ADAM12: variants seen among roughly 807,000 people sequenced by gnomAD.
ADAM12 encodes ADAM metallopeptidase domain 12, also known as disintegrin and metalloproteinase domain-containing protein 12.
Under a neutral mutation model 106.4 loss-of-function variants are expected in ADAM12, and 70 were observed. The ratio of observed to expected loss-of-function variants is 0.66; its 90% CI spans 0.54 to 0.80. The LOEUF (loss-of-function observed/expected upper bound fraction) is 0.80. Among genes scored for constraint, ADAM12 ranks in the 30% least tolerant of loss-of-function variants. The pLI, the probability that ADAM12 is intolerant of heterozygous loss-of-function variation, is 0.00. For synonymous variants in ADAM12, 420 were observed against 433.5 expected, an observed-to-expected ratio of 0.97 and a Z score of 0.39; for missense variants, 1,010 against 1,171.9, an observed-to-expected ratio of 0.86 and a Z score of 2.02.
At chr10:126,344,784 A>G (rs1221723896) in intron 1 of ADAM12, among the ~76,000 whole-genome samples, 1 of 152,136 alleles carries the variant, frequency 6.6e-6, no homozygotes, top group Non-Finnish European at 1.5e-5. Flanking sequence ...TCTTTGAAGC[A>G]ATTGTGAATG....
intron 5 of ADAM12, among the ~76,000 whole-genome samples, chr10:126,128,430 G>T (rs1956241317): frequency 6.6e-6 from 1 of 152,214 alleles, no homozygotes; most frequent in Admixed American, 6.5e-5. Flanking sequence ...AATAACATCT[G>T]CCCCATTCTC....
intron 1 of ADAM12, among the ~76,000 whole-genome samples, chr10:126,360,853 C>T (rs967729089): frequency 1.3e-5 from 2 of 152,204 alleles, no homozygotes; most frequent in African/African-American, 4.8e-5. Context: ...CTGATAAAGA[C>T]ATACCCAAGA....
chr10:126,184,061 A>T (rs1342202636), intron 3 of ADAM12, among the ~76,000 whole-genome samples: 2 of 152,238 alleles, frequency 1.3e-5, no homozygotes. Flanking sequence ...TGAGCCAAGG[A>T]ATCTGGACCT....
In ADAM12 at chr10:126,017,295, G is replaced by A; in HGVS notation, c.2705C>T (p.Thr902Ile). Residue 902 changes from threonine to isoleucine, a missense_variant, in exon 23 of 23, where the codon ACC (threonine) becomes ATC (isoleucine). Transcript: ENST00000448723. ...YPHQVPRSTH[T>I]AYIK Reference sequence around the variant, plus strand: ...GTCGGCTTCTCACTTAATATAGGCGGTGTGGGTGGATCTGGGCACTTGGTG... The same window carrying A: ...GTCGGCTTCTCACTTAATATAGGCGATGTGGGTGGATCTGGGCACTTGGTG... 1 of 1,594,944 alleles carries A rather than the reference G, an allele frequency of 6.3e-7. No homozygotes were observed. Among genetic ancestry groups the A allele is most frequent in the Non-Finnish European group, 8.5e-7 (1 of 1,170,026 alleles).
intron 1 of ADAM12, among the ~76,000 whole-genome samples, chr10:126,349,009 T>C (rs762357459): frequency 3.3e-5 from 5 of 152,242 alleles, no homozygotes; most frequent in African/African-American, 9.6e-5. Flanking sequence ...TACGTTTCAA[T>C]AGATTCTTAG....
intron 3 of ADAM12, among the ~76,000 whole-genome samples, chr10:126,212,452 A>G (rs901837917): frequency 1.3e-5 from 2 of 152,222 alleles, no homozygotes; most frequent in Non-Finnish European, 2.9e-5. Context: ...ATTAAGATGT[A>G]CTTATCTTGA....
chr10:126,062,511 G>C (rs996998446), intron 14 of ADAM12, among the ~76,000 whole-genome samples: 1 of 152,150 alleles, frequency 6.6e-6, no homozygotes, highest in East Asian at 1.9e-4. Flanking sequence ...TCAGTCTGTG[G>C]GTCAGGTTGT....
chr10:126,272,944 C>T (rs1959186579), intron 3 of ADAM12: 1 of 181,094 alleles, frequency 5.5e-6, no homozygotes, highest in Non-Finnish European at 1.2e-5. Context: ...CATTCTTCCT[C>T]ATATGCTCAA....
chr10:126,019,617 G>C (rs190745232), intron 22 of ADAM12, 78 bp downstream of exon 22: 5 of 1,553,672 alleles, frequency 3.2e-6, no homozygotes, highest in Admixed American at 3.6e-5. Flanking sequence ...CTGCACCCCT[G>C]TCCTGGCTTG....
chr10:126,263,448 A>AT (rs1959038981), intron 3 of ADAM12, among the ~76,000 whole-genome samples: 1 of 150,790 alleles, frequency 6.6e-6, no homozygotes, highest in Non-Finnish European at 1.5e-5. Flanking sequence ...CTTCTCCCCT[A>AT]TATCACACTA....
rs532855412 is a variant in ADAM12 at position 126,134,107 on chromosome 10, T to C, written c.416+1477A>G. Among the ~76,000 whole-genome samples, 17 of 152,338 alleles carry C rather than the reference T, an allele frequency of 1.1e-4. No homozygotes were observed. The East Asian group carries it at 3.1e-3, about 28-fold the overall frequency. ...ACTCAAGGAATGTTTTCTGAACGAA[T>C]GAATAACTGAAGAGAAGCAAATTCA... On this transcript the variant is annotated intron_variant, in intron 5 of 22. Coordinates refer to ENST00000448723, the MANE Select transcript of ADAM12 (RefSeq NM_001288973.2).
At chr10:126,154,528 C>T (rs997640058) in intron 4 of ADAM12, among the ~76,000 whole-genome samples, 5 of 152,170 alleles carry the variant, frequency 3.3e-5, no homozygotes. Context: ...ATAAAGCCTG[C>T]CTCAAGCTCA....
intron 3 of ADAM12, among the ~76,000 whole-genome samples, chr10:126,157,965 T>G (rs9422952): frequency 0.92 from 140,038 of 152,032 alleles, 64,650 homozygotes; most frequent in Middle Eastern, 0.97. Context: ...AGCTCCAGGA[T>G]GGTGGAGGAG....
chr10:126,033,931 A>G (rs1954013252), intron 21 of ADAM12, among the ~76,000 whole-genome samples: 1 of 152,244 alleles, frequency 6.6e-6, no homozygotes, highest in Non-Finnish European at 1.5e-5. Context: ...TTTGTCACCT[A>G]CAGATTTGCT....
intron 3 of ADAM12, among the ~76,000 whole-genome samples, chr10:126,276,948 T>C (rs1411120268): frequency 1.3e-5 from 2 of 152,188 alleles, no homozygotes; most frequent in Admixed American, 6.5e-5. Context: ...TGGACAAGGC[T>C]ATTAAGTCAC....
chr10:126,154,970 G>A (rs1956786582), intron 4 of ADAM12, among the ~76,000 whole-genome samples: 1 of 152,150 alleles, frequency 6.6e-6, no homozygotes, highest in African/African-American at 2.4e-5. Context: ...AGGATCCATA[G>A]TCCTTGGAAG....
intron 6 of ADAM12, 49 bp downstream of exon 6, chr10:126,117,989 G>C: frequency 6.3e-7 from 1 of 1,593,072 alleles, no homozygotes; most frequent in Non-Finnish European, 8.6e-7. Context: ...GGTATCCGTA[G>C]CTTGAGCTCC....
At chr10:126,030,855 C>T (rs1953959788) in intron 21 of ADAM12, among the ~76,000 whole-genome samples, 2 of 152,134 alleles carry the variant, frequency 1.3e-5, no homozygotes, top group African/African-American at 2.4e-5. Context: ...GACTCATTGT[C>T]ATTAATCCGT....
chr10:126,125,879 G>C (rs1956198183), intron 5 of ADAM12, among the ~76,000 whole-genome samples: 1 of 151,524 alleles, frequency 6.6e-6, no homozygotes, highest in African/African-American at 2.4e-5. Flanking sequence ...GCCAAGCAAA[G>C]ATGCAAGCAG....
Sources: allele counts gnomAD v4.1 joint callset (sites outside exome capture counted in the v4.1 genomes callset), GRCh38; gene constraint gnomAD v4.1.1; transcripts MANE v1.5; gene names NCBI Gene and HGNC (gene_info 2026-07-23, HGNC 2026-07-21).